GLIS3: variants seen among roughly 807,000 people sequenced by gnomAD.
The protein encoded by GLIS3 is zinc finger protein GLIS3.
In GLIS3, 53 loss-of-function variants were observed where a neutral mutation model predicts 78.6. The observed-to-expected ratio is 0.67, with a 90% CI of 0.54 to 0.85. GLIS3 has a LOEUF of 0.85. Ranked by LOEUF, GLIS3 falls within the 40% of genes least tolerant of loss-of-function variation. The probability of loss-of-function intolerance (pLI) is 0.00; values close to 1 mark genes in which losing one functional copy is unlikely to be tolerated. For synonymous variants in GLIS3, 684 were observed against 509.9 expected, an observed-to-expected ratio of 1.34 and a Z score of -4.60; for missense variants, 1,703 against 1,231.1, an observed-to-expected ratio of 1.38 and a Z score of -5.74.
intron 1 of GLIS3, among the ~76,000 whole-genome samples, chr9:4,298,213 G>A (rs532622924): frequency 6.6e-6 from 1 of 152,188 alleles, no homozygotes; most frequent in South Asian, 2.1e-4. Flanking sequence ...TAGCCCGGGG[G>A]CGCCACGGCC....
chr9:3,865,667 C>T (rs139641009), intron 8 of GLIS3, among the ~76,000 whole-genome samples: 1 of 152,312 alleles, frequency 6.6e-6, no homozygotes, highest in East Asian at 1.9e-4. Flanking sequence ...ACTGTCATGA[C>T]TCACTTTCCT....
chr9:3,868,707 C>G (rs1331653380), intron 8 of GLIS3, among the ~76,000 whole-genome samples: 1 of 152,160 alleles, frequency 6.6e-6, no homozygotes, highest in East Asian at 1.9e-4. Flanking sequence ...CAACACACAA[C>G]TTCTTGTCCT....
chr9:4,311,154 A>T (rs1817346235), intron 2 of GLIS3, among the ~76,000 whole-genome samples: 1 of 152,210 alleles, frequency 6.6e-6, no homozygotes, highest in African/African-American at 2.4e-5. Flanking sequence ...GATGCCTGTA[A>T]TCCCAACACT....
intron 8 of GLIS3, among the ~76,000 whole-genome samples, chr9:3,876,881 C>A (rs931569788): frequency 6.6e-6 from 1 of 151,546 alleles, no homozygotes; most frequent in African/African-American, 2.4e-5. Flanking sequence ...GCAGGAGCAG[C>A]TAAGGAACTT....
At chr9:4,488,872 CTTTTTTCTTTT>C in the GLIS3 span, among the ~76,000 whole-genome samples, 3 of 151,710 alleles carry the variant, frequency 2.0e-5, no homozygotes, top group Non-Finnish European at 4.4e-5. Context: ...TTCTTTCTTT[CTTTTTTCTTTT>C]TTTTTGACAG....
intron 2 of GLIS3, among the ~76,000 whole-genome samples, chr9:4,199,567 A>C (rs1219574817): frequency 2.7e-5 from 4 of 150,414 alleles, no homozygotes; most frequent in East Asian, 3.9e-4. Flanking sequence ...AAGGTAATAC[A>C]TAAAAAAAAA....
At chr9:4,323,981 C>A (rs1017441531) in intron 2 of GLIS3, among the ~76,000 whole-genome samples, 4 of 152,154 alleles carry the variant, frequency 2.6e-5, no homozygotes, top group East Asian at 1.9e-4. Context: ...TACTCAGTTT[C>A]AAAAATTTTG....
the GLIS3 span, among the ~76,000 whole-genome samples, chr9:4,435,003 G>C: frequency 6.6e-6 from 1 of 152,140 alleles, no homozygotes. Flanking sequence ...TGTATGATTT[G>C]GACTCAAAGT....
At chr9:4,297,554 G>C (rs568983424) in intron 1 of GLIS3, among the ~76,000 whole-genome samples, 1 of 152,236 alleles carries the variant, frequency 6.6e-6, no homozygotes, top group Admixed American at 6.5e-5. Flanking sequence ...AAGTCTTGGA[G>C]GAAGTTGGTT....
At chr9:4,440,415 CA>C in the GLIS3 span, among the ~76,000 whole-genome samples, 10 of 152,152 alleles carry the variant, frequency 6.6e-5, no homozygotes, top group African/African-American at 2.4e-4. Context: ...CCTGTTTTCT[CA>C]ACACAATTTA....
At chr9:3,974,614 G>A (rs10974269) in intron 4 of GLIS3, among the ~76,000 whole-genome samples, 18,155 of 152,112 alleles carry the variant, frequency 0.12, 1,540 homozygotes, top group East Asian at 0.39. Flanking sequence ...CTAATGCAGA[G>A]GGCTGAGAGT....
chr9:4,303,554 TA>T (rs1280925785), upstream of GLIS3, among the ~76,000 whole-genome samples: 1 of 152,204 alleles, frequency 6.6e-6, no homozygotes, highest in Non-Finnish European at 1.5e-5. Context: ...TGTAATTTTT[TA>T]AAAAATTCTT....
chr9:4,019,226 G>C (rs1822674797), intron 4 of GLIS3, among the ~76,000 whole-genome samples: 1 of 152,186 alleles, frequency 6.6e-6, no homozygotes, highest in Non-Finnish European at 1.5e-5. Context: ...AGTTTAAACG[G>C]TGCTCTCATC....
intron 2 of GLIS3, among the ~76,000 whole-genome samples, chr9:4,276,048 C>G (rs1452206308): frequency 6.6e-6 from 1 of 151,760 alleles, no homozygotes; most frequent in Non-Finnish European, 1.5e-5. Flanking sequence ...TTTGGAAGGC[C>G]GAGGCAGATG....
intron 9 of GLIS3, among the ~76,000 whole-genome samples, chr9:3,830,047 T>A (rs78277481): frequency 2.6e-5 from 4 of 152,330 alleles, no homozygotes; most frequent in African/African-American, 9.6e-5. Flanking sequence ...CTATTTCTAT[T>A]GTTGATCTTT....
In GLIS3 at chr9:4,066,581, T is replaced by C. The variant is rs11998902; in HGVS notation, c.1710+51187A>G. On this transcript the variant is annotated intron_variant, in intron 4 of 10. Transcript: ENST00000381971. ...TGTACTAAAACTCCTCCTGCTTTCA[T>C]CTGAGCCTTACAGAACCCATCTGCA... 8.7e-3 allele frequency among the ~76,000 whole-genome samples: 1,327 copies of C among 152,342 alleles called. 17 individuals carry two copies. The highest frequency in any genetic ancestry group is 0.03 in the African/African-American group (1,268 of 41,582).
Position 3,943,366 on chromosome 9 carries a change from A to T in GLIS3, c.1711-6177T>A, listed in dbSNP as rs74580491. ...TGGGACTAATAACTCCACAATGGGAACAGAGAACATGTCTCTATATATTCT... is the reference window on the plus strand; with the variant it reads ...TGGGACTAATAACTCCACAATGGGATCAGAGAACATGTCTCTATATATTCT... On this transcript the variant is annotated intron_variant, in intron 4 of 10. Transcript: ENST00000381971. Among the ~76,000 whole-genome samples, 34 of 152,370 alleles carry T rather than the reference A, an allele frequency of 2.2e-4. No homozygotes were observed. In the East Asian group the frequency reaches 6.4e-3, roughly 28 times the overall value.
upstream of GLIS3, among the ~76,000 whole-genome samples, chr9:4,301,811 G>A (rs563871314): frequency 6.6e-6 from 1 of 152,156 alleles, no homozygotes; most frequent in African/African-American, 2.4e-5. Context: ...TTAATCAATA[G>A]CTCATGGAAA....
Position 4,232,368 on chromosome 9 carries a change from C to A in GLIS3, c.388+53670G>T, listed in dbSNP as rs536351681. Reference sequence around the variant, plus strand: ...TGTACTCAAGCCTGGGTGACAGAGGCAGACCTTGTCTCTTAAAAAAAAAAA... The same window carrying A: ...TGTACTCAAGCCTGGGTGACAGAGGAAGACCTTGTCTCTTAAAAAAAAAAA... On this transcript the variant is annotated intron_variant, in intron 2 of 10. Transcript: ENST00000381971. Among the ~76,000 whole-genome samples, 13 of 122,990 alleles carry A rather than the reference C, an allele frequency of 1.1e-4. No homozygotes were observed. The South Asian group carries it at 3.1e-3, about 29-fold the overall frequency. The allele number at this position is 122,990 out of a possible 152,430, so 80.7% of individuals were successfully genotyped here.
Sources: allele counts gnomAD v4.1 joint callset (sites outside exome capture counted in the v4.1 genomes callset), GRCh38; gene constraint gnomAD v4.1.1; transcripts MANE v1.5; gene names NCBI Gene and HGNC (gene_info 2026-07-23, HGNC 2026-07-21).